PKMYT1: variants seen among roughly 807,000 people sequenced by gnomAD.
The protein encoded by PKMYT1 is protein kinase, membrane associated tyrosine/threonine 1.
In PKMYT1, 35 loss-of-function variants were observed where a neutral mutation model predicts 49.7. That is an observed-to-expected ratio of 0.70 (90% confidence interval 0.54 to 0.93). The LOEUF (loss-of-function observed/expected upper bound fraction) is 0.93. Ranked by LOEUF, PKMYT1 falls within the 40% of genes least tolerant of loss-of-function variation. PKMYT1 has a pLI of 0.00. For synonymous variants in PKMYT1, 331 were observed against 287.6 expected (o/e 1.15, Z -1.53); for missense variants, 677 against 673.1 (o/e 1.01, Z -0.06).
intron 2 of PKMYT1, chr16:2,977,323 G>T: frequency 8.2e-7 from 1 of 1,213,812 alleles, no homozygotes; most frequent in African/African-American, 1.5e-5. Flanking sequence ...GCAGTTTGGA[G>T]TCAGACGGGC....
Position 2,974,660 on chromosome 16 carries a change from G to C in PKMYT1, c.873-4C>G. 6.5e-7 allele frequency: 1 copy of C among 1,548,228 alleles called. No homozygotes were observed. The highest frequency in any genetic ancestry group is 2.4e-5 in the East Asian group (1 of 41,790). On this transcript the variant is annotated splice_region_variant and splice_polypyrimidine_tract_variant and intron_variant, in intron 4 of 8. Transcript: ENST00000262300. ...TTCCAGGATGGTGAGGCCCAGACTG[G>C]CAGGGACGGGATGGGGACAGAAAGG...
intron 2 of PKMYT1, chr16:2,977,688 T>C (rs2072235492): frequency 1.2e-5 from 2 of 167,734 alleles, no homozygotes; most frequent in Non-Finnish European, 2.4e-5. Flanking sequence ...GGCAAGCCTG[T>C]TGGCACCTGA....
At position 2,974,228 on chromosome 16, in the gene PKMYT1, C is replaced by T. The variant is rs753263044; in HGVS notation, c.1152+17G>A. The T allele has an allele frequency of 6.4e-7, 1 of 1,558,104 alleles. No individual in the cohort carries two copies. The highest frequency in any genetic ancestry group is 1.9e-5 in the Admixed American group (1 of 51,892). The stretch of plus-strand genomic sequence containing the variant: ...GCTGGGGAGCAGGGCAGGCAGCCGC[C>T]ACTGTCGGGAGCTTACCTGCCACAG... On this transcript the variant is annotated intron_variant, in intron 6 of 8. Coordinates refer to ENST00000262300, the MANE Select transcript of PKMYT1 (RefSeq NM_004203.5).
Position 2,979,711 on chromosome 16 carries a change from G to A in PKMYT1, c.-54C>T. ...TGGGACGGGGGAGGCAGGAGCAGGG[G>A]CTCCCACGTGAATCCAGGGTGTCCC... On this transcript the variant is annotated 5_prime_UTR_variant, in exon 2 of 9. Transcript: ENST00000262300. 1.2e-6 allele frequency: 2 copies of A among 1,612,230 alleles called. No individual in the cohort carries two copies. The highest frequency in any genetic ancestry group is 8.5e-7 in the Non-Finnish European group (1 of 1,178,990).
intron 2 of PKMYT1, chr16:2,977,475 A>G (rs528426182): frequency 1.0e-6 from 1 of 995,788 alleles, no homozygotes; most frequent in African/African-American, 1.7e-5. Context: ...TTTCTTTTTC[A>G]TAACTGTCGT....
Position 2,972,944 on chromosome 16 carries a change from G to C in PKMYT1, c.*9C>G, listed in dbSNP as rs367554466. On this transcript the variant is annotated 3_prime_UTR_variant, in exon 9 of 9. Coordinates refer to ENST00000262300, the MANE Select transcript of PKMYT1 (RefSeq NM_004203.5). Reference sequence around the variant, plus strand: ...AAAAGGTTAAAAGTGCAGAGGCAGAGTCTGGGGCTCAGGTTGGGTCTAGGG... The same window carrying C: ...AAAAGGTTAAAAGTGCAGAGGCAGACTCTGGGGCTCAGGTTGGGTCTAGGG... The C allele has an allele frequency of 6.3e-7, 1 of 1,598,040 alleles. No homozygotes were observed. The highest frequency in any genetic ancestry group is 1.3e-5 in the African/African-American group (1 of 74,804).
chr16:2,973,708 A>C, intron 7 of PKMYT1: 1 of 508,888 alleles, frequency 2.0e-6, no homozygotes, highest in Non-Finnish European at 3.5e-6. Context: ...GAGAAGGGAC[A>C]ATGTTTTATC....
chr16:2,974,201 G>A (rs1353984698), intron 6 of PKMYT1, 44 bp from the exon 7 acceptor site: 2 of 1,561,854 alleles, frequency 1.3e-6, no homozygotes, highest in Admixed American at 1.9e-5. Context: ...CGGACCCCCG[G>A]GGCTGGGGAG....
chr16:2,978,314 C>T (rs762335111), intron 2 of PKMYT1, among the ~76,000 whole-genome samples: 6 of 152,164 alleles, frequency 3.9e-5, no homozygotes, highest in South Asian at 2.1e-4. Context: ...GACTGGTACC[C>T]GCATTAGGGC....
chr16:2,975,091 G>C (rs1368477415), intron 4 of PKMYT1, among the ~76,000 whole-genome samples: 1 of 152,232 alleles, frequency 6.6e-6, no homozygotes, highest in Non-Finnish European at 1.5e-5. Context: ...TTCTCCTGTG[G>C]AGCTGTGAGG....
intron 1 of PKMYT1, 116 bp downstream of exon 1, chr16:2,980,170 G>A: frequency 5.8e-6 from 1 of 171,658 alleles, no homozygotes; most frequent in South Asian, 1.1e-4. Context: ...GGCCTGAGGG[G>A]ACGCGAGCGG....
chr16:2,975,859 G>A, intron 3 of PKMYT1, 47 bp from the exon 4 acceptor site: 3 of 1,548,002 alleles, frequency 1.9e-6, no homozygotes, highest in Non-Finnish European at 1.7e-6. Flanking sequence ...TGAGCCACAA[G>A]TGGCACAATC....
intron 2 of PKMYT1, 52 bp downstream of exon 2, chr16:2,979,596 G>A: frequency 6.9e-7 from 1 of 1,442,108 alleles, no homozygotes; most frequent in Non-Finnish European, 9.8e-7. Context: ...TCGGGGACCT[G>A]GGCCTGTGCA....
chr16:2,977,360 G>C, intron 2 of PKMYT1: 1 of 1,083,124 alleles, frequency 9.2e-7, no homozygotes. Flanking sequence ...CCCTCATCAC[G>C]GCCAGCTCTT....
intron 2 of PKMYT1, 158 bp from the exon 3 acceptor site, chr16:2,977,189 A>T (rs1164238617): frequency 1.4e-6 from 2 of 1,462,606 alleles, no homozygotes; most frequent in Non-Finnish European, 1.8e-6. Context: ...TACCAAGAAA[A>T]GGCAGAGGAC....
chr16:2,976,482 G>A (rs2072196962), intron 3 of PKMYT1, among the ~76,000 whole-genome samples, 182 bp downstream of exon 3: 1 of 152,206 alleles, frequency 6.6e-6, no homozygotes, highest in African/African-American at 2.4e-5. Context: ...CCCCTGGAGG[G>A]GCCTGCATTG....
chr16:2,977,070 T>A (rs1434739042), intron 2 of PKMYT1, 39 bp from the exon 3 acceptor site: 6 of 1,588,478 alleles, frequency 3.8e-6, no homozygotes, highest in Non-Finnish European at 4.3e-6. Flanking sequence ...GGGCAGCATG[T>A]CCACTCTGAT....
chr16:2,976,288 G>T (rs983598226), intron 3 of PKMYT1, among the ~76,000 whole-genome samples: 2 of 152,210 alleles, frequency 1.3e-5, no homozygotes, highest in Admixed American at 6.5e-5. Flanking sequence ...TGGCAGGCAG[G>T]GGGTAGCTCA....
At chr16:2,975,934 G>A (rs772437634) in intron 3 of PKMYT1, 122 bp from the exon 4 acceptor site, 1 of 1,063,934 alleles carries the variant, frequency 9.4e-7, no homozygotes, top group Non-Finnish European at 1.3e-6. Context: ...GGTGTAGCTG[G>A]CATCTGTCTC....
Sources: gnomAD v4.1 joint callset for allele counts (sites outside exome capture counted in the v4.1 genomes callset) on GRCh38, gnomAD v4.1.1 for gene constraint, MANE v1.5 for transcripts, NCBI Gene and HGNC (gene_info 2026-07-23, HGNC 2026-07-21) for gene names.